The following AMMECR1 variants were observed in gnomAD, a reference collection of about 807,000 sequenced individuals.
The protein encoded by AMMECR1 is AMMECR nuclear protein 1, also known as nuclear protein AMMECR1.
A neutral mutation model predicts 22.5 loss-of-function variants in AMMECR1; 3 were observed. The ratio of observed to expected loss-of-function variants is 0.13; its 90% CI spans 0.06 to 0.35. The LOEUF (loss-of-function observed/expected upper bound fraction) is 0.35. AMMECR1 is among the 10% of genes least tolerant of loss of function. The pLI is 1.00. For missense variants in AMMECR1, 235 were observed against 278.7 expected (o/e 0.84, Z 1.12); for synonymous variants, 130 against 116.7 (o/e 1.11, Z -0.74).
chrX:110,407,473 TAAC>T (rs1413190898), intron 2 of AMMECR1, among the ~76,000 whole-genome samples: 1 of 112,416 alleles, frequency 8.9e-6, no homozygotes, highest in African/African-American at 3.2e-5. Flanking sequence ...ATAATACAAA[TAAC>T]AACCATTTAC....
At chrX:110,269,170 A>C (rs1246224419) in intron 1 of AMMECR1, among the ~76,000 whole-genome samples, 1 of 112,102 alleles carries the variant, frequency 8.9e-6, no homozygotes, top group African/African-American at 3.2e-5. Context: ...AGTTGCATAC[A>C]ATCAGCAAAA....
chrX:110,385,658 G>T (rs2148279980), intron 2 of AMMECR1, among the ~76,000 whole-genome samples: 1 of 111,843 alleles, frequency 8.9e-6, no homozygotes, highest in Non-Finnish European at 1.9e-5. Context: ...TAGCATAACT[G>T]TCTTTTAAAA....
chrX:110,411,277 G>A (rs186019635), intron 2 of AMMECR1, among the ~76,000 whole-genome samples: 82 of 111,965 alleles, frequency 7.3e-4, no homozygotes, highest in Non-Finnish European at 1.3e-3. Flanking sequence ...GATCTGGGAA[G>A]AGTTTGGTCA....
intron 2 of AMMECR1, among the ~76,000 whole-genome samples, chrX:110,255,370 T>C (rs1231801853): frequency 8.9e-6 from 1 of 111,737 alleles, no homozygotes. Flanking sequence ...TAACCAGCAG[T>C]GTACAGTTGT....
At chrX:110,230,833 T>G (rs2067561300) in intron 2 of AMMECR1, among the ~76,000 whole-genome samples, 2 of 111,531 alleles carry the variant, frequency 1.8e-5, no homozygotes, top group South Asian at 7.5e-4. Context: ...AGAGAAGACC[T>G]TAAGTGACAT....
chrX:110,417,376 T>C (rs754894378), intron 2 of AMMECR1, among the ~76,000 whole-genome samples: 7 of 112,358 alleles, frequency 6.2e-5, no homozygotes, highest in South Asian at 3.7e-4. Flanking sequence ...GCTGCAGAGG[T>C]TCTGGGCTAG....
intron 2 of AMMECR1, among the ~76,000 whole-genome samples, chrX:110,340,724 G>T (rs1380847815): frequency 4.4e-5 from 5 of 112,485 alleles, no homozygotes; most frequent in African/African-American, 1.6e-4. Flanking sequence ...ATTGTTTATT[G>T]ACTCTGAATC....
At chrX:110,318,390 A>C (rs1232315180), upstream of AMMECR1, among the ~76,000 whole-genome samples, 1 of 111,167 alleles carries the variant, frequency 9.0e-6, no homozygotes, top group Non-Finnish European at 1.9e-5. Flanking sequence ...GAAGCCGATT[A>C]GAAAGGAAGG....
intron 2 of AMMECR1, among the ~76,000 whole-genome samples, chrX:110,222,865 C>T (rs912077768): frequency 3.6e-5 from 4 of 111,212 alleles, no homozygotes; most frequent in African/African-American, 9.8e-5. Context: ...TATATATTAT[C>T]GGGCTTCTAT....
intron 2 of AMMECR1, among the ~76,000 whole-genome samples, chrX:110,342,844 GA>G (rs1003033687): frequency 9.0e-6 from 1 of 111,291 alleles, no homozygotes; most frequent in Non-Finnish European, 1.9e-5. Context: ...TTCATGTAAA[GA>G]AAAAAACTTG....
intron 2 of AMMECR1, 118 bp from the exon 3 acceptor site, chrX:110,216,750 G>C (rs2067475217): frequency 2.3e-6 from 1 of 441,218 alleles, no homozygotes; most frequent in Non-Finnish European, 3.9e-6. Flanking sequence ...AGATGTCAAA[G>C]GTACCAACAA....
At chrX:110,413,294 C>T (rs147038328) in intron 2 of AMMECR1, among the ~76,000 whole-genome samples, 2,198 of 111,356 alleles carry the variant, frequency 0.02, 34 homozygotes, top group African/African-American at 0.053. Flanking sequence ...GTCTCCACGG[C>T]GGATCTCACG....
intron 2 of AMMECR1, among the ~76,000 whole-genome samples, chrX:110,331,678 T>C (rs2068121430): frequency 9.0e-6 from 1 of 111,474 alleles, no homozygotes; most frequent in Admixed American, 9.5e-5. Flanking sequence ...ATCTTATCAT[T>C]TTCCTGCTTA....
chrX:110,224,007 G>C (rs1602793492), intron 2 of AMMECR1, among the ~76,000 whole-genome samples: 1 of 111,334 alleles, frequency 9.0e-6, no homozygotes, highest in African/African-American at 3.3e-5. Context: ...CCACCTAATG[G>C]AGCAACTGTA....
chrX:110,348,698 A>G (rs1333351280), intron 2 of AMMECR1, among the ~76,000 whole-genome samples: 1 of 112,289 alleles, frequency 8.9e-6, no homozygotes, highest in Non-Finnish European at 1.9e-5. Flanking sequence ...AGAAAATCAC[A>G]AAACAATATA....
Position 110,367,445 on chromosome X carries a change from C to CT in AMMECR1, c.-147-49597dup, listed in dbSNP as rs200089151. On this transcript the variant is annotated intron_variant, in intron 2 of 7. Transcript: ENST00000372057. ...ATTCAATGGTCATTTTACTGTTCTCCTTTTTTTTTCGCCCAACAGCGGCAT... is the reference window on the plus strand; with the variant it reads ...ATTCAATGGTCATTTTACTGTTCTCCTTTTTTTTTTCGCCCAACAGCGGCAT... Among the ~76,000 whole-genome samples, 34 of 109,609 alleles carry CT rather than the reference C, an allele frequency of 3.1e-4. No homozygotes were observed. In the South Asian group the frequency reaches 0.011, roughly 36 times the overall value.
At chrX:110,231,039 A>G (rs139887217) in intron 2 of AMMECR1, among the ~76,000 whole-genome samples, 1,391 of 112,391 alleles carry the variant, frequency 0.012, 22 homozygotes, top group African/African-American at 0.042. Context: ...TCAAAAGACC[A>G]AATCTACGTG....
At chrX:110,258,139 A>G (rs1252647665) in intron 2 of AMMECR1, among the ~76,000 whole-genome samples, 1 of 112,050 alleles carries the variant, frequency 8.9e-6, no homozygotes, top group Non-Finnish European at 1.9e-5. Context: ...TGGAAACTCT[A>G]AAGATCTAAA....
chrX:110,269,823 A>C (rs923553666), intron 1 of AMMECR1, among the ~76,000 whole-genome samples: 2 of 112,143 alleles, frequency 1.8e-5, no homozygotes, highest in African/African-American at 6.5e-5. Flanking sequence ...TACAGATTCA[A>C]TTCATAAAAA....
Sources: allele counts gnomAD v4.1 joint callset (sites outside exome capture counted in the v4.1 genomes callset), GRCh38; gene constraint gnomAD v4.1.1; transcripts MANE v1.5; gene names NCBI Gene and HGNC (gene_info 2026-07-23, HGNC 2026-07-21).